The following PITPNM2 variants were observed in gnomAD, a reference collection of about 807,000 sequenced individuals.
PITPNM2 encodes phosphatidylinositol transfer protein membrane associated 2.
A neutral mutation model predicts 132.2 loss-of-function variants in PITPNM2; 35 were observed. The ratio of observed to expected loss-of-function variants is 0.26; its 90% CI spans 0.20 to 0.35. The LOEUF (loss-of-function observed/expected upper bound fraction) is 0.35. Among genes scored for constraint, PITPNM2 ranks in the 10% least tolerant of loss-of-function variants. The pLI, the probability that PITPNM2 is intolerant of heterozygous loss-of-function variation, is 1.00. For missense variants in PITPNM2, 1,332 were observed against 1,912.0 expected, an observed-to-expected ratio of 0.70 and a Z score of 5.66; for synonymous variants, 738 against 799.2, an observed-to-expected ratio of 0.92 and a Z score of 1.29.
chr12:123,132,528 T>G (rs1389934420), intron 1 of PITPNM2, among the ~76,000 whole-genome samples: 1 of 151,872 alleles, frequency 6.6e-6, no homozygotes, highest in Non-Finnish European at 1.5e-5. Flanking sequence ...TCCCTTTTTT[T>G]TTTTTTACCA....
intron 1 of PITPNM2, among the ~76,000 whole-genome samples, chr12:123,132,747 C>T (rs1341430687): frequency 6.6e-6 from 1 of 152,092 alleles, no homozygotes; most frequent in African/African-American, 2.4e-5. Context: ...TTCTAGGTAC[C>T]TCATATAAGT....
chr12:123,043,798 C>T (rs961168501), intron 2 of PITPNM2, among the ~76,000 whole-genome samples: 1 of 152,224 alleles, frequency 6.6e-6, no homozygotes, highest in African/African-American at 2.4e-5. Flanking sequence ...TCAAGGACTG[C>T]GGCAAGGCAA....
At chr12:123,142,093 A>T (rs1429493532) in intron 1 of PITPNM2, among the ~76,000 whole-genome samples, 1 of 152,192 alleles carries the variant, frequency 6.6e-6, no homozygotes, top group Admixed American at 6.5e-5. Context: ...GTGCACGACA[A>T]ATTGCACCGG....
At chr12:123,013,807 T>C (rs763260600) in intron 4 of PITPNM2, 21 bp downstream of exon 4, 8 of 1,610,234 alleles carry the variant, frequency 5.0e-6, no homozygotes, top group African/African-American at 1.3e-5. Context: ...GGGAGGCACA[T>C]GGAGGCCAAA....
rs140527210 is a variant in PITPNM2, at chr12:123,014,393, T to C, written c.79-351A>G. On this transcript the variant is annotated intron_variant, in intron 3 of 25. Coordinates refer to ENST00000320201, the MANE Select transcript of PITPNM2 (RefSeq NM_020845.3). ...GTGCTATAAGTTCTAGCTAAAGCAA[T>C]TAGACAAGAAAAGGAAATAATAAGA... 1.9e-3 allele frequency among the ~76,000 whole-genome samples: 293 copies of C among 152,276 alleles called. 1 individual carries two copies. The highest frequency in any genetic ancestry group is 6.6e-3 in the African/African-American group (274 of 41,558).
chr12:123,093,904 C>T (rs1015717587), intron 2 of PITPNM2, among the ~76,000 whole-genome samples: 7 of 152,244 alleles, frequency 4.6e-5, no homozygotes, highest in Non-Finnish European at 7.3e-5. Context: ...ACCAGAACCC[C>T]CTGGGCAGAG....
rs922787315 is a variant in PITPNM2 at position 123,004,287 on chromosome 12, T to C, written c.1048+107A>G. On this transcript the variant is annotated intron_variant, in intron 8 of 25. Coordinates refer to ENST00000320201, the MANE Select transcript of PITPNM2 (RefSeq NM_020845.3). The surrounding 1 kb of genome is among the most constrained non-coding windows in gnomAD (Gnocchi z 4.9). Reference sequence around the variant, plus strand: ...GGTATAGGGACTGGATATAGAATAGTAACAGGCAACACCCGCATCAGTCCA... The same window carrying C: ...GGTATAGGGACTGGATATAGAATAGCAACAGGCAACACCCGCATCAGTCCA... The C allele has an allele frequency of 2.3e-5, 24 of 1,028,650 alleles. No homozygotes were observed. In the African/African-American group the frequency reaches 3.5e-4, roughly 15 times the overall value. The allele number at this position is 1,028,650 out of a possible 1,614,324, so 63.7% of individuals were successfully genotyped here.
Position 123,106,346 on chromosome 12 carries a change from C to T in PITPNM2, c.-96+4039G>A, listed in dbSNP as rs953498608. Among the ~76,000 whole-genome samples the T allele has an allele frequency of 1.3e-5, 2 of 152,032 alleles. No homozygotes were observed. Among genetic ancestry groups the T allele is most frequent in the African/African-American group, 4.8e-5 (2 of 41,380 alleles). ...AAGGCTGCAGTGAGCCATGATCACA[C>T]CACTGCACTCCAGCCTGGGTGGCAG... is the stretch of plus-strand genomic sequence containing the variant. On this transcript the variant is annotated intron_variant, in intron 2 of 25. Coordinates refer to ENST00000320201, the MANE Select transcript of PITPNM2 (RefSeq NM_020845.3). The surrounding 1 kb of genome is among the most constrained non-coding windows in gnomAD (Gnocchi z 4.4).
At chr12:123,142,085 G>A (rs1418605204) in intron 1 of PITPNM2, among the ~76,000 whole-genome samples, 1 of 152,204 alleles carries the variant, frequency 6.6e-6, no homozygotes, top group Non-Finnish European at 1.5e-5. Context: ...TTCAAAGAGT[G>A]CACGACAAAT....
intron 2 of PITPNM2, among the ~76,000 whole-genome samples, chr12:123,109,501 C>G (rs1482004346): frequency 2.0e-5 from 3 of 152,220 alleles, no homozygotes; most frequent in Non-Finnish European, 4.4e-5. Flanking sequence ...TCCACTCAGC[C>G]TTGGCTTCTC....
chr12:123,049,843 G>A (rs999546213), intron 2 of PITPNM2, among the ~76,000 whole-genome samples: 5 of 152,224 alleles, frequency 3.3e-5, no homozygotes, highest in Admixed American at 6.5e-5. Context: ...TTCACAGCAG[G>A]TGCTAGGCAG....
In PITPNM2 at chr12:123,022,048, T is replaced by A. The variant is rs1280336665; in HGVS notation, c.79-8006A>T. Among the ~76,000 whole-genome samples the A allele has an allele frequency of 6.6e-6, 1 of 152,152 alleles. No individual in the cohort carries two copies. Among genetic ancestry groups the A allele is most frequent in the Non-Finnish European group, 1.5e-5 (1 of 68,034 alleles). On this transcript the variant is annotated intron_variant, in intron 3 of 25. Coordinates refer to ENST00000320201, the MANE Select transcript of PITPNM2 (RefSeq NM_020845.3). This position sits in a 1 kb window ranked among gnomAD's most constrained non-coding sequence, Gnocchi z 4.9. ...ATCGCCATGGCTCCAAAGCCAGATG[T>A]CTCCATGGCTTCAAAGTTCCCCTGA...
intron 16 of PITPNM2, among the ~76,000 whole-genome samples, 168 bp from the exon 17 acceptor site, chr12:122,990,877 T>C (rs532714866): frequency 5.9e-5 from 9 of 152,272 alleles, no homozygotes; most frequent in Non-Finnish European, 8.8e-5. Context: ...CCCAGAGCTT[T>C]AGCAGGTGAG....
chr12:123,028,073 C>A (rs533162975), intron 3 of PITPNM2, among the ~76,000 whole-genome samples: 1 of 152,204 alleles, frequency 6.6e-6, no homozygotes, highest in South Asian at 2.1e-4. Flanking sequence ...CAGGGGCTAA[C>A]GAAGGAGTTG....
intron 8 of PITPNM2, 71 bp from the exon 9 acceptor site, chr12:123,001,229 C>A (rs962573536): frequency 4.6e-5 from 56 of 1,226,082 alleles, no homozygotes; most frequent in Non-Finnish European, 6.4e-5. Context: ...GAGGTGGGGA[C>A]GCCCCTGTGT....
chr12:123,147,639 G>T (rs186589157), intron 1 of PITPNM2, among the ~76,000 whole-genome samples: 6 of 152,262 alleles, frequency 3.9e-5, no homozygotes, highest in Non-Finnish European at 5.9e-5. Flanking sequence ...ATAGTTGCTA[G>T]ACAGAATATC....
At chr12:123,136,568 T>C (rs2043386422) in intron 1 of PITPNM2, among the ~76,000 whole-genome samples, 1 of 152,298 alleles carries the variant, frequency 6.6e-6, no homozygotes, top group Non-Finnish European at 1.5e-5. Context: ...GCATGTTGAA[T>C]GCAACTCCTC....
chr12:122,989,877 G>A lies in PITPNM2; in HGVS notation c.2641C>T (p.Pro881Ser), dbSNP rs776213468. 7.5e-7 allele frequency: 1 copy of A among 1,330,266 alleles called. No homozygotes were observed. The highest frequency in any genetic ancestry group is 9.7e-7 in the Non-Finnish European group (1 of 1,035,748). The allele number at this position is 1,330,266 out of a possible 1,614,324, so 82.4% of individuals were successfully genotyped here. ...LSLLALPAPSPTTPGPHPPAR... is the reference protein window; with the variant it reads ...LSLLALPAPSSTTPGPHPPAR... ...GGAGGGTGGGGGCCAGGGGTGGTGG[G>A]GCTGGGGGCGGGCAGGGCGAGCAGG... is the stretch of plus-strand genomic sequence containing the variant. The change falls in exon 18 of 26, where the codon CCC (proline) becomes TCC (serine). Residue 881 changes from proline (P) to serine (S), a missense_variant. Physicochemically the swap from Pro to Ser is moderately conservative, Grantham distance 74. This residue lies in a region of PITPNM2 where 710 missense variants were observed against 911.5 expected (regional missense o/e 0.78). Transcript: ENST00000320201.
chr12:123,071,190 G>A (rs1483177696), intron 2 of PITPNM2, among the ~76,000 whole-genome samples: 2 of 152,214 alleles, frequency 1.3e-5, no homozygotes, highest in Admixed American at 1.3e-4. Context: ...GCAGCAGAGG[G>A]GGACAGGCAT....
Sources: allele counts gnomAD v4.1 joint callset (sites outside exome capture counted in the v4.1 genomes callset), GRCh38; gene constraint gnomAD v4.1.1; regional missense constraint gnomAD v4.1.1; non-coding constraint Gnocchi (gnomAD v3.1); transcripts MANE v1.5; gene names NCBI Gene and HGNC (gene_info 2026-07-23, HGNC 2026-07-21).